The following EEFSEC variants were observed in gnomAD, a reference collection of about 807,000 sequenced individuals.
EEFSEC encodes eukaryotic elongation factor, selenocysteine-tRNA specific, also known as selenocysteine-specific elongation factor.
In EEFSEC, 43 loss-of-function variants were observed where a neutral mutation model predicts 42.1. The ratio of observed to expected loss-of-function variants is 1.02; its 90% CI spans 0.80 to 1.32. The LOEUF is 1.32. Among genes scored for constraint, EEFSEC ranks in the 40% most tolerant of loss-of-function variants. The pLI, the probability that EEFSEC is intolerant of heterozygous loss-of-function variation, is 0.00. For synonymous variants in EEFSEC, 354 were observed against 339.1 expected, an observed-to-expected ratio of 1.04 and a Z score of -0.48; for missense variants, 745 against 803.6, an observed-to-expected ratio of 0.93 and a Z score of 0.88.
intron 1 of EEFSEC, among the ~76,000 whole-genome samples, chr3:128,234,530 A>C (rs982944664): frequency 6.6e-6 from 1 of 152,178 alleles, no homozygotes; most frequent in African/African-American, 2.4e-5. Context: ...GTTGCTCTCT[A>C]GCAAGGCTGA....
At chr3:128,225,711 C>A (rs1377436125) in intron 1 of EEFSEC, among the ~76,000 whole-genome samples, 1 of 152,242 alleles carries the variant, frequency 6.6e-6, no homozygotes, top group African/African-American at 2.4e-5. Flanking sequence ...CCCAAGACCT[C>A]TTCTGCATCC....
intron 1 of EEFSEC, among the ~76,000 whole-genome samples, chr3:128,215,063 A>G (rs1409558994): frequency 6.6e-6 from 1 of 152,230 alleles, no homozygotes. Flanking sequence ...TTATACACCA[A>G]TATCCAGCCC....
intron 6 of EEFSEC, among the ~76,000 whole-genome samples, chr3:128,383,792 A>G (rs1272162002): frequency 6.6e-6 from 1 of 152,246 alleles, no homozygotes; most frequent in Non-Finnish European, 1.5e-5. Context: ...AGGGGCAGGC[A>G]GGTGACAGAA....
chr3:128,171,165 G>A (rs966231260), intron 1 of EEFSEC, among the ~76,000 whole-genome samples: 2 of 152,206 alleles, frequency 1.3e-5, no homozygotes, highest in Non-Finnish European at 2.9e-5. Flanking sequence ...TGATCAATGT[G>A]TAGTTTCACA....
intron 6 of EEFSEC, among the ~76,000 whole-genome samples, chr3:128,392,197 G>A (rs1360996873): frequency 6.6e-6 from 1 of 152,214 alleles, no homozygotes; most frequent in Non-Finnish European, 1.5e-5. Context: ...CAGAGTGGGA[G>A]TTAGGCAGAA....
At chr3:128,272,124 G>C (rs72975304) in intron 4 of EEFSEC, among the ~76,000 whole-genome samples, 1 of 152,188 alleles carries the variant, frequency 6.6e-6, no homozygotes, top group Admixed American at 6.5e-5. Context: ...CTGCCCTGTC[G>C]TGTGTGGGCC....
chr3:128,275,082 C>T (rs903743463), intron 4 of EEFSEC, among the ~76,000 whole-genome samples: 3 of 152,082 alleles, frequency 2.0e-5, no homozygotes, highest in East Asian at 1.9e-4. Flanking sequence ...CTGTGGGCTG[C>T]GGTGCCTTTG....
At chr3:128,171,994 G>A (rs550874898) in intron 1 of EEFSEC, among the ~76,000 whole-genome samples, 19 of 152,298 alleles carry the variant, frequency 1.2e-4, no homozygotes, top group South Asian at 8.3e-4. Flanking sequence ...ATATGCATAA[G>A]TTATATGAAA....
intron 5 of EEFSEC, among the ~76,000 whole-genome samples, chr3:128,348,075 C>T (rs765640975): frequency 2.4e-4 from 36 of 151,942 alleles, no homozygotes; most frequent in Non-Finnish European, 5.3e-4. Flanking sequence ...AGGGAGGTAA[C>T]AGTGAATGAA....
At chr3:128,290,253 T>G (rs950237829) in intron 4 of EEFSEC, among the ~76,000 whole-genome samples, 1 of 152,174 alleles carries the variant, frequency 6.6e-6, no homozygotes, top group East Asian at 1.9e-4. Flanking sequence ...CCAAATTAAT[T>G]TTTTTGTATG....
At chr3:128,231,680 A>G (rs2065960194) in intron 1 of EEFSEC, among the ~76,000 whole-genome samples, 1 of 151,882 alleles carries the variant, frequency 6.6e-6, no homozygotes, top group Non-Finnish European at 1.5e-5. Context: ...CCCAGGATCC[A>G]AGGTGGACTC....
chr3:128,332,358 A>T (rs545320338), intron 4 of EEFSEC, among the ~76,000 whole-genome samples: 1 of 152,180 alleles, frequency 6.6e-6, no homozygotes, highest in Non-Finnish European at 1.5e-5. Context: ...AAGTGTTTCG[A>T]TTTCAGATTG....
chr3:128,212,301 C>T (rs2065766614), intron 1 of EEFSEC, among the ~76,000 whole-genome samples: 1 of 152,170 alleles, frequency 6.6e-6, no homozygotes, highest in African/African-American at 2.4e-5. Context: ...AGGGGCTGAC[C>T]CTCATCAGAG....
chr3:128,318,698 T>C (rs934723328), intron 4 of EEFSEC, among the ~76,000 whole-genome samples: 2 of 152,224 alleles, frequency 1.3e-5, no homozygotes, highest in African/African-American at 4.8e-5. Context: ...TTTGCCAGCA[T>C]GGCTGCCCAT....
At chr3:128,194,686 A>G (rs2065563241) in intron 1 of EEFSEC, among the ~76,000 whole-genome samples, 1 of 152,206 alleles carries the variant, frequency 6.6e-6, no homozygotes. Context: ...CTTCTTTAAA[A>G]TGATATTTAT....
At chr3:128,294,308 T>A (rs1052128351) in intron 4 of EEFSEC, among the ~76,000 whole-genome samples, 4 of 152,320 alleles carry the variant, frequency 2.6e-5, no homozygotes, top group Admixed American at 2.6e-4. Flanking sequence ...CTGACCCTGT[T>A]AGGGGCTGAC....
intron 4 of EEFSEC, among the ~76,000 whole-genome samples, chr3:128,307,622 G>A (rs1219569816): frequency 6.6e-6 from 1 of 152,218 alleles, no homozygotes; most frequent in African/African-American, 2.4e-5. Context: ...GCAAAGTATT[G>A]ACTGAGCTGC....
At chr3:128,363,547 A>G (rs576222196) in intron 6 of EEFSEC, among the ~76,000 whole-genome samples, 12 of 152,250 alleles carry the variant, frequency 7.9e-5, no homozygotes, top group South Asian at 2.1e-4. Flanking sequence ...TGACTACCCT[A>G]TGGCCCCTGG....
At chr3:128,281,878 T>G (rs2066529715) in intron 4 of EEFSEC, among the ~76,000 whole-genome samples, 1 of 152,206 alleles carries the variant, frequency 6.6e-6, no homozygotes, top group Non-Finnish European at 1.5e-5. Flanking sequence ...TGTGGGAAGC[T>G]GGGGCGTTCC....
Sources: gnomAD v4.1 joint callset for allele counts (sites outside exome capture counted in the v4.1 genomes callset) on GRCh38, gnomAD v4.1.1 for gene constraint, MANE v1.5 for transcripts, NCBI Gene and HGNC (gene_info 2026-07-23, HGNC 2026-07-21) for gene names.